RAB11FIP4: variants seen among roughly 807,000 people sequenced by gnomAD.
RAB11FIP4 encodes the protein RAB11 family interacting protein 4, also known as rab11 family-interacting protein 4.
Under a neutral mutation model 74.3 loss-of-function variants are expected in RAB11FIP4, and 23 were observed. The ratio of observed to expected loss-of-function variants is 0.31; its 90% CI spans 0.22 to 0.44. The LOEUF (loss-of-function observed/expected upper bound fraction) is 0.44, where lower values mean the gene tolerates loss of function less well. Ranked by LOEUF, RAB11FIP4 falls within the 20% of genes least tolerant of loss-of-function variation. RAB11FIP4 has a pLI of 1.00. For synonymous variants in RAB11FIP4, 360 were observed against 359.9 expected (o/e 1.00, Z 0.00); for missense variants, 630 against 863.9 (o/e 0.73, Z 3.39).
At chr17:31,460,980 T>C (rs2071628270) in intron 3 of RAB11FIP4, among the ~76,000 whole-genome samples, 1 of 152,026 alleles carries the variant, frequency 6.6e-6, no homozygotes, top group Non-Finnish European at 1.5e-5. Flanking sequence ...CTGGGTCATG[T>C]GTCGAGCCCC....
intron 3 of RAB11FIP4, among the ~76,000 whole-genome samples, chr17:31,513,799 C>T (rs1182557221): frequency 2.0e-5 from 3 of 152,074 alleles, no homozygotes; most frequent in Non-Finnish European, 4.4e-5. Context: ...AGAGTGTGTG[C>T]GCATGTGTGG....
chr17:31,491,125 T>C (rs1251962757), intron 3 of RAB11FIP4, among the ~76,000 whole-genome samples: 2 of 152,254 alleles, frequency 1.3e-5, no homozygotes, highest in African/African-American at 4.8e-5. Flanking sequence ...GCCTGCCTAT[T>C]TGGCAGTCCC....
chr17:31,438,414 C>T (rs1302386398), intron 3 of RAB11FIP4, among the ~76,000 whole-genome samples: 1 of 152,060 alleles, frequency 6.6e-6, no homozygotes, highest in Non-Finnish European at 1.5e-5. Flanking sequence ...GCCACCACGC[C>T]AGCAAATGGT....
intron 1 of RAB11FIP4, among the ~76,000 whole-genome samples, chr17:31,415,364 G>A (rs2071137226): frequency 6.6e-6 from 1 of 152,220 alleles, no homozygotes; most frequent in Non-Finnish European, 1.5e-5. Flanking sequence ...CTTTATAGAA[G>A]AGGGGAAGTA....
At chr17:31,423,670 AG>A (rs113041650) in intron 1 of RAB11FIP4, among the ~76,000 whole-genome samples, 3,626 of 152,264 alleles carry the variant, frequency 0.024, 132 homozygotes, top group African/African-American at 0.081. Context: ...TACATACTCC[AG>A]GGGCCAGTCT....
chr17:31,407,217 T>G (rs1485649424), intron 1 of RAB11FIP4, among the ~76,000 whole-genome samples: 1 of 151,978 alleles, frequency 6.6e-6, no homozygotes, highest in East Asian at 1.9e-4. Flanking sequence ...TGCTAATTTA[T>G]TTTTATTTTT....
rs2072716842 is a variant in RAB11FIP4 at position 31,523,934 on chromosome 17, C to T, written c.1071C>T (p.Asp357=). ...AGAAGGTGACAGAGCTGGAGAATGA[C>T]AGCCTGACCAATGGGGACCTGAAGA... ...LEKKVTELEN[D]SLTNGDLKSK... Residue 357 remains aspartate, a synonymous_variant, in exon 9 of 15, where the codon GAC becomes GAT. Transcript: ENST00000621161. 1.2e-6 allele frequency: 2 copies of T among 1,612,586 alleles called. No individual in the cohort carries two copies. Among genetic ancestry groups the T allele is most frequent in the East Asian group, 4.5e-5 (2 of 44,838 alleles).
intron 3 of RAB11FIP4, among the ~76,000 whole-genome samples, chr17:31,436,824 A>G (rs7405596): frequency 0.35 from 50,406 of 145,880 alleles, 8,728 homozygotes; most frequent in South Asian, 0.43. Flanking sequence ...ATCTTGCTCT[A>G]TCGCCCAGGC....
intron 1 of RAB11FIP4, among the ~76,000 whole-genome samples, chr17:31,426,956 T>G (rs923350750): frequency 1.3e-5 from 2 of 151,590 alleles, no homozygotes; most frequent in African/African-American, 4.8e-5. Flanking sequence ...CCATTTTTGT[T>G]TTTTGTTTTT....
Position 31,523,992 on chromosome 17 carries a change from C to T in RAB11FIP4, c.1129C>T (p.His377Tyr), listed in dbSNP as rs779266922. ...GAAGCAAGAGAACACACAGCTGGTG[C>T]ACAGGTCAAGCAGGCAGCGGCGCTG... Reference protein sequence around the residue: ...KLKQENTQLVHRVHELEEMVK... With the variant: ...KLKQENTQLVYRVHELEEMVK... Residue 377 changes from histidine (H) to tyrosine (Y), a missense_variant, in exon 9 of 15, where the codon CAC (histidine) becomes TAC (tyrosine). His to Tyr is a moderately conservative substitution (Grantham distance 83). Transcript: ENST00000621161. 3 of 1,609,234 alleles carry T rather than the reference C, an allele frequency of 1.9e-6. No individual in the cohort carries two copies. The highest frequency in any genetic ancestry group is 2.5e-6 in the Non-Finnish European group (3 of 1,177,720).
At chr17:31,406,534 C>T (rs2071043240) in intron 1 of RAB11FIP4, among the ~76,000 whole-genome samples, 1 of 152,232 alleles carries the variant, frequency 6.6e-6, no homozygotes, top group Admixed American at 6.5e-5. Context: ...ACCCCATCAG[C>T]ACTATTATTT....
chr17:31,468,580 C>T (rs530981210), intron 3 of RAB11FIP4, among the ~76,000 whole-genome samples: 11 of 152,222 alleles, frequency 7.2e-5, no homozygotes, highest in South Asian at 6.2e-4. Context: ...CCTGTAATCC[C>T]AGCACTTTGG....
chr17:31,531,728 A>G lies in RAB11FIP4; in HGVS notation c.1910A>G (p.His637Arg). Reference protein sequence around the residue: ...DHNPSILEIKH With the variant: ...DHNPSILEIKR ...AATCCCTCCATCCTCGAGATCAAAC[A>G]CTAAGGCACGGGGCTGGCTGCAGAG... Residue 637 changes from histidine (H) to arginine (R), a missense_variant, in exon 15 of 15, where the codon CAC (histidine) becomes CGC (arginine). Physicochemically the swap from His to Arg is conservative, Grantham distance 29. Transcript: ENST00000621161. The G allele has an allele frequency of 6.2e-7, 1 of 1,605,350 alleles. No homozygotes were observed. The highest frequency in any genetic ancestry group is 1.1e-5 in the South Asian group (1 of 90,932).
intron 3 of RAB11FIP4, 35 bp downstream of exon 3, chr17:31,434,157 T>C (rs774431177): frequency 6.7e-7 from 1 of 1,498,790 alleles, no homozygotes; most frequent in South Asian, 1.2e-5. Context: ...CCTCCATGGC[T>C]CTGCCTCCTC....
chr17:31,520,661 C>T (rs1467387704), intron 4 of RAB11FIP4, among the ~76,000 whole-genome samples: 1 of 152,132 alleles, frequency 6.6e-6, no homozygotes, highest in Non-Finnish European at 1.5e-5. Context: ...GTGCTCGCCA[C>T]CACGCCCGGC....
At chr17:31,529,473 T>A (rs2072829002) in intron 13 of RAB11FIP4, among the ~76,000 whole-genome samples, 1 of 152,054 alleles carries the variant, frequency 6.6e-6, no homozygotes, top group Non-Finnish European at 1.5e-5. Context: ...GGTCTCCCTA[T>A]ATTGCCCAGG....
In RAB11FIP4 at chr17:31,522,573, G is replaced by T. The variant is rs2072689149; in HGVS notation, c.929+178G>T. 6 of 608,934 alleles carry T rather than the reference G, an allele frequency of 9.9e-6. No individual in the cohort carries two copies. The East Asian group carries it at 1.7e-4, about 17-fold the overall frequency. 37.7% of individuals were successfully genotyped at this position (608,934 alleles called of 1,614,324 possible). A position where few individuals can be genotyped will look rare whatever the true frequency, so the allele number is the denominator to read the frequency against. ...GCAGCGTCACTTCTGAAAAAGAGGG[G>T]CCAGCTCCTCCCTGCTCTCTCCCCA... On this transcript the variant is annotated intron_variant, in intron 7 of 14. Transcript: ENST00000621161.
chr17:31,432,580 G>A (rs1050710705), intron 2 of RAB11FIP4, among the ~76,000 whole-genome samples: 1 of 151,974 alleles, frequency 6.6e-6, no homozygotes, highest in African/African-American at 2.4e-5. Flanking sequence ...GCCTGGTCTT[G>A]AACTCCTGAG....
In RAB11FIP4 at chr17:31,533,319, G is replaced by C. The variant is rs1042357979; in HGVS notation, c.*1587G>C. On this transcript the variant is annotated 3_prime_UTR_variant, in exon 15 of 15. Coordinates refer to ENST00000621161, the MANE Select transcript of RAB11FIP4 (RefSeq NM_032932.6). ...ATCTTTTGTTGGGGATTAGTTTCAT[G>C]CTGCACATAATGGGGTTGCACTGGT... 4 of 152,300 alleles carry C rather than the reference G, an allele frequency of 2.6e-5. No individual in the cohort carries two copies. The highest frequency in any genetic ancestry group is 9.7e-5 in the African/African-American group (4 of 41,450). 9.4% of individuals were successfully genotyped at this position (152,300 alleles called of 1,614,324 possible). A position where few individuals can be genotyped will look rare whatever the true frequency, so the allele number is the denominator to read the frequency against.
Sources: gnomAD v4.1 joint callset for allele counts (sites outside exome capture counted in the v4.1 genomes callset) on GRCh38, gnomAD v4.1.1 for gene constraint, MANE v1.5 for transcripts, NCBI Gene and HGNC (gene_info 2026-07-23, HGNC 2026-07-21) for gene names.